Variants in SHCBP1L observed in about 807,000 individuals in gnomAD.
The protein encoded by SHCBP1L is SHC binding and spindle associated 1 like.
SHCBP1L carries 67 observed loss-of-function variants against 62.5 expected under a neutral mutation model. That is an observed-to-expected ratio of 1.07 (90% CI 0.88 to 1.31). SHCBP1L has a LOEUF of 1.31. Among genes scored for constraint, SHCBP1L ranks in the 40% most tolerant of loss-of-function variants. The pLI, the probability that SHCBP1L is intolerant of heterozygous loss-of-function variation, is 0.00. For synonymous variants in SHCBP1L, 284 were observed against 289.4 expected, an observed-to-expected ratio of 0.98 and a Z score of 0.19; for missense variants, 823 against 809.8, an observed-to-expected ratio of 1.02 and a Z score of -0.20.
chr1:182,939,191 T>C lies in SHCBP1L; in HGVS notation c.1061A>G (p.Glu354Gly). 6.2e-7 allele frequency: 1 copy of C among 1,610,062 alleles called. No homozygotes were observed. Among genetic ancestry groups the C allele is most frequent in the Non-Finnish European group, 8.5e-7 (1 of 1,178,816 alleles). ...VMLCGLLKMW[E>G]DLRLRVHGPF... is the part of the protein sequence containing the mutation. Reference sequence around the variant, plus strand: ...AAATTATTACCGGAGGCGTAAATCTTCCCACATTTTCAGTAATCCACAGAG... The same window carrying C: ...AAATTATTACCGGAGGCGTAAATCTCCCCACATTTTCAGTAATCCACAGAG... Residue 354 changes from glutamate (E) to glycine (G), a missense_variant, in exon 5 of 10, where the codon GAA (glutamate) becomes GGA (glycine). Physicochemically the swap from Glu to Gly is moderately conservative, Grantham distance 98 (BLOSUM62 -2). Coordinates refer to ENST00000367547, the MANE Select transcript of SHCBP1L (RefSeq NM_030933.4).
Position 182,940,408 on chromosome 1 carries a change from C to CACTTCCAAAACTGGA in SHCBP1L, c.690_691insTCCAGTTTTGGAAGT (p.Ser230_Val231insSerSerPheGlySer). 1 of 1,613,996 alleles carries CACTTCCAAAACTGGA rather than the reference C, an allele frequency of 6.2e-7. No homozygotes were observed. Among genetic ancestry groups the CACTTCCAAAACTGGA allele is most frequent in the East Asian group, 2.2e-5 (1 of 44,826 alleles). On this transcript the variant is annotated inframe_insertion, in exon 3 of 10. Coordinates refer to ENST00000367547, the MANE Select transcript of SHCBP1L (RefSeq NM_030933.4). The stretch of plus-strand genomic sequence containing the variant: ...ACAGGATACACTTCCAAAAGAGGCA[C>CACTTCCAAAACTGGA]ACTGTGTTCCAGTTCCTCCAAAATC...
At chr1:182,918,375 C>T (rs1275285549) in intron 6 of SHCBP1L, among the ~76,000 whole-genome samples, 6 of 151,388 alleles carry the variant, frequency 4.0e-5, no homozygotes, top group Non-Finnish European at 7.4e-5. Flanking sequence ...AATGAACAAT[C>T]TGAAAAGAAA....
chr1:182,951,574 A>G, intron 1 of SHCBP1L, 107 bp from the exon 2 acceptor site: 1 of 718,722 alleles, frequency 1.4e-6, no homozygotes, highest in Non-Finnish European at 2.0e-6. Context: ...TGGAACCAAT[A>G]TAGCCTTAAA....
chr1:182,903,284 C>T (rs1156309673), intron 8 of SHCBP1L, 123 bp from the exon 9 acceptor site: 12 of 709,280 alleles, frequency 1.7e-5, no homozygotes, highest in South Asian at 1.7e-4. Context: ...CGTGCAAATA[C>T]GTGATCATGC....
intron 5 of SHCBP1L, among the ~76,000 whole-genome samples, chr1:182,938,819 C>G (rs1303283464): frequency 2.0e-5 from 3 of 152,128 alleles, no homozygotes. Flanking sequence ...CAGACTCTGT[C>G]TATGTCTTGC....
At position 182,924,907 on chromosome 1, in the gene SHCBP1L, A is replaced by G. The variant is rs577942779; in HGVS notation, c.1182+4740T>C. On this transcript the variant is annotated intron_variant, in intron 6 of 9. Coordinates refer to ENST00000367547, the MANE Select transcript of SHCBP1L (RefSeq NM_030933.4). ...AGGGAAAGACAAAGAGAGAGAGAGA[A>G]AGAAAGGAAAGGAAGGAAGGAAGGA... Among the ~76,000 whole-genome samples the G allele has an allele frequency of 2.0e-4, 24 of 118,976 alleles. 1 individual carries two copies. Among genetic ancestry groups the G allele is most frequent in the African/African-American group, 6.8e-4 (18 of 26,522 alleles). 78.1% of individuals were successfully genotyped at this position (118,976 alleles called of 152,430 possible). A position where few individuals can be genotyped will look rare whatever the true frequency, so the allele number is the denominator to read the frequency against.
chr1:182,922,706 G>C (rs545048773), intron 6 of SHCBP1L, among the ~76,000 whole-genome samples: 1 of 152,098 alleles, frequency 6.6e-6, no homozygotes, highest in Admixed American at 6.6e-5. Context: ...TGAAACTAAT[G>C]AGAACAAGGA....
chr1:182,909,390 A>G (rs1198806950), intron 6 of SHCBP1L, among the ~76,000 whole-genome samples: 1 of 152,220 alleles, frequency 6.6e-6, no homozygotes, highest in Non-Finnish European at 1.5e-5. Context: ...AGGGAAAGAT[A>G]GCAACCTAGA....
At chr1:182,939,681 C>T in intron 3 of SHCBP1L, 128 bp from the exon 4 acceptor site, 1 of 685,686 alleles carries the variant, frequency 1.5e-6, no homozygotes, top group Non-Finnish European at 2.3e-6. Context: ...TTTAAAATGA[C>T]CTTTGAGTGA....
chr1:182,930,507 T>G (rs1257932928), intron 5 of SHCBP1L, among the ~76,000 whole-genome samples: 1 of 141,648 alleles, frequency 7.1e-6, no homozygotes, highest in South Asian at 2.3e-4. Context: ...CTGCTGCACT[T>G]TGATTAGTGC....
chr1:182,948,790 T>C (rs1310122044), intron 2 of SHCBP1L, among the ~76,000 whole-genome samples: 3 of 152,182 alleles, frequency 2.0e-5, no homozygotes, highest in African/African-American at 4.8e-5. Context: ...GAGTATTATA[T>C]AGCATTATTA....
chr1:182,924,730 A>G (rs1417738794), intron 6 of SHCBP1L, among the ~76,000 whole-genome samples: 1 of 88,296 alleles, frequency 1.1e-5, no homozygotes, highest in Non-Finnish European at 1.9e-5. Context: ...GAAAGAAAGA[A>G]AGAAAGAAAG....
At chr1:182,944,654 C>T (rs1651492452) in intron 2 of SHCBP1L, among the ~76,000 whole-genome samples, 1 of 151,998 alleles carries the variant, frequency 6.6e-6, no homozygotes, top group Non-Finnish European at 1.5e-5. Context: ...GCTTATATTG[C>T]TACTTAAAGT....
chr1:182,926,910 T>G (rs73044389), intron 6 of SHCBP1L, among the ~76,000 whole-genome samples: 6,192 of 151,566 alleles, frequency 0.041, 383 homozygotes, highest in African/African-American at 0.14. Flanking sequence ...ATATGAAACA[T>G]AGGATTATTA....
chr1:182,906,250 A>AC (rs967608579), intron 6 of SHCBP1L, among the ~76,000 whole-genome samples: 4 of 151,684 alleles, frequency 2.6e-5, no homozygotes, highest in African/African-American at 9.7e-5. Context: ...AAGTATTATT[A>AC]CCCCCGCTAT....
At position 182,952,737 on chromosome 1, in the gene SHCBP1L, C is replaced by A. The variant is rs1406342026; in HGVS notation, c.397G>T (p.Asp133Tyr). 1.2e-6 allele frequency: 2 copies of A among 1,609,008 alleles called. No homozygotes were observed. The highest frequency in any genetic ancestry group is 8.5e-7 in the Non-Finnish European group (1 of 1,177,992). Residue 133 changes from aspartate (D) to tyrosine (Y), a missense_variant, in exon 1 of 10, where the codon GAC becomes TAC. Coordinates refer to ENST00000367547, the MANE Select transcript of SHCBP1L (RefSeq NM_030933.4). ...VSLYCDEVLQDCKAEDADEVM... is the reference protein window; with the variant it reads ...VSLYCDEVLQYCKAEDADEVM... Reference sequence around the variant, plus strand: ...GTCCCGGATCCGCTCACCTTACAGTCCTGCAGCACTTCGTCGCAATACAGC... The same window carrying A: ...GTCCCGGATCCGCTCACCTTACAGTACTGCAGCACTTCGTCGCAATACAGC...
intron 6 of SHCBP1L, among the ~76,000 whole-genome samples, chr1:182,918,796 A>T (rs1650436812): frequency 6.6e-6 from 1 of 151,424 alleles, no homozygotes; most frequent in Non-Finnish European, 1.5e-5. Flanking sequence ...ACTGGCATAA[A>T]GATAGGCATA....
intron 2 of SHCBP1L, among the ~76,000 whole-genome samples, chr1:182,943,085 T>G (rs909771472): frequency 1.3e-5 from 2 of 152,276 alleles, no homozygotes; most frequent in Middle Eastern, 3.4e-3. Flanking sequence ...TTACGAAATA[T>G]GATACTGAGC....
Position 182,900,231 on chromosome 1 carries a change from G to A in SHCBP1L, c.1714C>T (p.Leu572Phe). 4.5e-6 allele frequency: 7 copies of A among 1,544,684 alleles called. No homozygotes were observed. The highest frequency in any genetic ancestry group is 6.1e-6 in the Non-Finnish European group (7 of 1,147,872). The change falls in exon 10 of 10, where the codon CTT (leucine) becomes TTT (phenylalanine). Residue 572 changes from leucine (L) to phenylalanine (F), a missense_variant. Physicochemically the swap from Leu to Phe is conservative, Grantham distance 22. Coordinates refer to ENST00000367547, the MANE Select transcript of SHCBP1L (RefSeq NM_030933.4). ...GTCATCTTCAATTTGGGTGCTGGAA[G>A]AACCTATTAAATTATTTGAGGAAAT... The part of the protein sequence containing the change: ...STLGGVNMKV[L>F]PAPKLKMTNN...
Sources: gnomAD v4.1 joint callset for allele counts (sites outside exome capture counted in the v4.1 genomes callset) on GRCh38, gnomAD v4.1.1 for gene constraint, MANE v1.5 for transcripts, NCBI Gene and HGNC (gene_info 2026-07-23, HGNC 2026-07-21) for gene names.